The following AK4 variants were observed in gnomAD, a reference collection of about 807,000 sequenced individuals.
AK4 encodes the protein adenylate kinase 4, also known as adenylate kinase 4, mitochondrial.
Under a neutral mutation model 24.6 loss-of-function variants are expected in AK4, and 13 were observed. That is an observed-to-expected ratio of 0.53 (90% CI 0.34 to 0.84). The LOEUF (loss-of-function observed/expected upper bound fraction) is 0.84, where lower values mean the gene tolerates loss of function less well. Among genes scored for constraint, AK4 ranks in the 40% least tolerant of loss-of-function variants. The pLI is 0.01. For synonymous variants in AK4, 88 were observed against 107.0 expected (o/e 0.82, Z 1.10); for missense variants, 192 against 288.2 (o/e 0.67, Z 2.42).
intron 2 of AK4, among the ~76,000 whole-genome samples, chr1:65,204,427 C>T (rs1340002594): frequency 1.3e-5 from 2 of 152,126 alleles, no homozygotes; most frequent in African/African-American, 4.8e-5. Flanking sequence ...TCTCAAACTA[C>T]TGACCTCAAG....
rs201095991 is a variant in AK4 at position 65,190,745 on chromosome 1, A to T, written c.181A>T (p.Ser61Cys). The T allele has an allele frequency of 3.7e-5, 59 of 1,613,900 alleles. No homozygotes were observed. The highest frequency in any genetic ancestry group is 5.0e-5 in the Admixed American group (3 of 59,982). ...GATGGCAAAGCAGTATATAGAGAAA[A>T]GTCTTTTGGTTCCAGACCATGTGAT... ...GEMAKQYIEK[S>C]LLVPDHVITR... Residue 61 changes from serine to cysteine, a missense_variant, in exon 2 of 5, where the codon AGT (serine) becomes TGT (cysteine). Physicochemically the swap from Ser to Cys is moderately radical, Grantham distance 112. Coordinates refer to ENST00000327299, the MANE Select transcript of AK4 (RefSeq NM_013410.4).
chr1:65,148,518 C>G lies in AK4; in HGVS notation c.111C>G (p.Gly37=), dbSNP rs1350106858. ...QNFGLQHLSS[G]HFLRENIKAS... is the part of the protein sequence containing the mutation. ...TTGGTCTCCAGCATCTCTCCAGCGG[C>G]CACTTCTTGCGGGAGAACATCAAGG... The change falls in exon 1 of 5, where the codon GGC becomes GGG. Residue 37 remains glycine, a synonymous_variant. Coordinates refer to ENST00000327299, the MANE Select transcript of AK4 (RefSeq NM_013410.4). 1 of 1,599,450 alleles carries G rather than the reference C, an allele frequency of 6.3e-7. No individual in the cohort carries two copies. The highest frequency in any genetic ancestry group is 1.7e-5 in the Admixed American group (1 of 58,232).
rs12082039 is a variant in AK4 at position 65,182,176 on chromosome 1, C to A, written c.146-8534C>A. ...CCTCAAGGGATCATCCCATCTTGAC[C>A]TCTCAAAGTGTTGGGATTACTGGTG... is the stretch of plus-strand genomic sequence containing the variant. On this transcript the variant is annotated intron_variant, in intron 1 of 4. Coordinates refer to ENST00000327299, the MANE Select transcript of AK4 (RefSeq NM_013410.4). Among the ~76,000 whole-genome samples, 168 of 152,290 alleles carry A rather than the reference C, an allele frequency of 1.1e-3. 1 individual carries two copies. The highest frequency in any genetic ancestry group is 3.9e-3 in the African/African-American group (163 of 41,572).
At chr1:65,176,958 C>A (rs1307918383) in intron 1 of AK4, among the ~76,000 whole-genome samples, 1 of 152,192 alleles carries the variant, frequency 6.6e-6, no homozygotes. Flanking sequence ...CAAATTCTTT[C>A]ATTTTTAATC....
At chr1:65,202,707 T>C (rs1651697472) in intron 2 of AK4, among the ~76,000 whole-genome samples, 1 of 152,146 alleles carries the variant, frequency 6.6e-6, no homozygotes, top group South Asian at 2.1e-4. Flanking sequence ...ATTCAAGGCA[T>C]TTGAGGGCAT....
intron 1 of AK4, among the ~76,000 whole-genome samples, chr1:65,172,103 A>ATATATATATATATCTATATATT (rs1553122938): frequency 8.7e-6 from 1 of 115,500 alleles, no homozygotes; most frequent in Non-Finnish European, 1.8e-5. Context: ...ATATATATAT[A>ATATATATATATATCTATATATT]TTTAAACTCA....
chr1:65,198,925 A>G (rs114584583), intron 2 of AK4, among the ~76,000 whole-genome samples: 2,311 of 151,788 alleles, frequency 0.015, 64 homozygotes, highest in African/African-American at 0.053. Context: ...AAATATAGAA[A>G]AATTACCTGG....
At chr1:65,173,062 C>A (rs1288191424) in intron 1 of AK4, among the ~76,000 whole-genome samples, 2 of 151,976 alleles carry the variant, frequency 1.3e-5, no homozygotes, top group Non-Finnish European at 1.5e-5. Context: ...CAGGGTTTCA[C>A]CACGTTGGCT....
At chr1:65,225,690 A>G (rs149888314) in intron 4 of AK4, among the ~76,000 whole-genome samples, 207 of 152,314 alleles carry the variant, frequency 1.4e-3, no homozygotes, top group African/African-American at 4.9e-3. Context: ...TCATATTATT[A>G]TGATACATCA....
chr1:65,185,787 A>T (rs945561890), intron 1 of AK4, among the ~76,000 whole-genome samples: 13 of 151,942 alleles, frequency 8.6e-5, no homozygotes, highest in South Asian at 2.1e-4. Context: ...GTAAATTTTT[A>T]TATTTTTAGT....
At chr1:65,154,881 G>A (rs965021225) in intron 1 of AK4, among the ~76,000 whole-genome samples, 2 of 147,994 alleles carry the variant, frequency 1.4e-5, no homozygotes, top group African/African-American at 2.5e-5. Flanking sequence ...ACGTAGTCTT[G>A]CTCTTGTCAT....
intron 2 of AK4, among the ~76,000 whole-genome samples, chr1:65,207,840 C>A (rs1316424618): frequency 1.3e-5 from 2 of 152,140 alleles, no homozygotes; most frequent in Non-Finnish European, 2.9e-5. Flanking sequence ...TAATGGCCTC[C>A]AGCTGCATCC....
chr1:65,186,995 C>T (rs748729457), intron 1 of AK4, among the ~76,000 whole-genome samples: 3 of 151,998 alleles, frequency 2.0e-5, no homozygotes, highest in Admixed American at 6.6e-5. Flanking sequence ...AATATGGATA[C>T]GTGGTACATT....
At chr1:65,191,869 G>A (rs535505064) in intron 2 of AK4, among the ~76,000 whole-genome samples, 48 of 152,242 alleles carry the variant, frequency 3.2e-4, no homozygotes, top group South Asian at 3.1e-3. Context: ...AAGGGATGTC[G>A]AAGGCCTGAA....
chr1:65,184,200 A>G (rs1299488128), intron 1 of AK4, among the ~76,000 whole-genome samples: 1 of 152,202 alleles, frequency 6.6e-6, no homozygotes, highest in Non-Finnish European at 1.5e-5. Flanking sequence ...CACAAAATTT[A>G]TATTGTTGTA....
At chr1:65,218,386 G>GT (rs1234459315) in intron 2 of AK4, among the ~76,000 whole-genome samples, 1 of 152,158 alleles carries the variant, frequency 6.6e-6, no homozygotes, top group Admixed American at 6.5e-5. Context: ...GTGATTTTTA[G>GT]TTTAGCGCAT....
rs181999653 is a variant in AK4 at position 65,205,628 on chromosome 1, T to C, written c.266-13126T>C. Among the ~76,000 whole-genome samples, 101 of 152,284 alleles carry C rather than the reference T, an allele frequency of 6.6e-4. 1 individual carries two copies. The highest frequency in any genetic ancestry group is 1.0e-4 in the Non-Finnish European group (7 of 68,026). ...ACTTGAAGTCAGTAGAATAACTTGATGTTGTTGTTATTTATTTATGTCCTA... is the reference window on the plus strand; with the variant it reads ...ACTTGAAGTCAGTAGAATAACTTGACGTTGTTGTTATTTATTTATGTCCTA... On this transcript the variant is annotated intron_variant, in intron 2 of 4. Transcript: ENST00000327299.
chr1:65,172,075 A>ATATATATATATATATT (rs1318875250), intron 1 of AK4, among the ~76,000 whole-genome samples: 1 of 76,900 alleles, frequency 1.3e-5, no homozygotes, highest in Non-Finnish European at 2.3e-5. Flanking sequence ...ATATATATAT[A>ATATATATATATATATT]TATATATATA....
At chr1:65,150,557 C>T (rs1250425418) in intron 1 of AK4, among the ~76,000 whole-genome samples, 1 of 152,130 alleles carries the variant, frequency 6.6e-6, no homozygotes, top group Admixed American at 6.5e-5. Flanking sequence ...TTTTCCCTCT[C>T]AGAAGGTCTG....
Sources: gnomAD v4.1 joint callset for allele counts (sites outside exome capture counted in the v4.1 genomes callset) on GRCh38, gnomAD v4.1.1 for gene constraint, MANE v1.5 for transcripts, NCBI Gene and HGNC (gene_info 2026-07-23, HGNC 2026-07-21) for gene names.